Variants in HAUS5 observed in about 807,000 individuals in gnomAD.
HAUS5 encodes the protein HAUS augmin like complex subunit 5, also known as HAUS augmin-like complex subunit 5.
Under a neutral mutation model 94.1 loss-of-function variants are expected in HAUS5, and 67 were observed. That is an observed-to-expected ratio of 0.71 (90% CI 0.58 to 0.87). HAUS5 has a LOEUF of 0.87. Ranked by LOEUF, HAUS5 falls within the 40% of genes least tolerant of loss-of-function variation. HAUS5 has a pLI of 0.00. For missense variants in HAUS5, 739 were observed against 825.6 expected (o/e 0.90, Z 1.29); for synonymous variants, 339 against 355.4 (o/e 0.95, Z 0.52).
Position 35,624,102 on chromosome 19 carries a change from G to GTTTTTTTTTTTTTTTTTTTTTTT in HAUS5, c.*1129_*1130insTTTTTTTTTTTTTTTTTTTTTTT, listed in dbSNP as rs55750807. 2 of 103,980 alleles carry GTTTTTTTTTTTTTTTTTTTTTTT rather than the reference G, an allele frequency of 1.9e-5. No homozygotes were observed. Among genetic ancestry groups the GTTTTTTTTTTTTTTTTTTTTTTT allele is most frequent in the Admixed American group, 1.3e-4 (1 of 7,758 alleles). The allele number at this position is 103,980 out of a possible 1,614,324, so 6.4% of individuals were successfully genotyped here. On this transcript the variant is annotated 3_prime_UTR_variant, in exon 19 of 19. Coordinates refer to ENST00000203166, the MANE Select transcript of HAUS5 (RefSeq NM_015302.2). ...GTCATATCTGTTCTTGTTTTCTTTT[G>GTTTTTTTTTTTTTTTTTTTTTTT]TTTTTTTTTTTTTTTTTTTTGAGAT...
chr19:35,619,403 C>T (rs1448115258), intron 13 of HAUS5, 21 bp from the exon 14 acceptor site: 1 of 1,560,016 alleles, frequency 6.4e-7, no homozygotes, highest in African/African-American at 1.4e-5. Context: ...GAGTGGGTCT[C>T]AGGGTATCCT....
At position 35,620,338 on chromosome 19, in the gene HAUS5, C is replaced by A; in HGVS notation, c.1651+11C>A. On this transcript the variant is annotated intron_variant, in intron 17 of 18. Transcript: ENST00000203166. ...GCCTTCCCACCCAGGGTAGGTCTGC[C>A]CTGCCACCCCATCCAGCCTCCCCGC... The A allele has an allele frequency of 4.3e-6, 7 of 1,610,056 alleles. No homozygotes were observed. Among genetic ancestry groups the A allele is most frequent in the Non-Finnish European group, 5.9e-6 (7 of 1,178,066 alleles).
At chr19:35,622,521 T>C in intron 17 of HAUS5, 80 bp from the exon 18 acceptor site, 4 of 1,453,928 alleles carry the variant, frequency 2.8e-6, no homozygotes, top group Non-Finnish European at 3.8e-6. Context: ...ACTAGGGGAC[T>C]GGAGAATTGG....
intron 10 of HAUS5, 61 bp from the exon 11 acceptor site, chr19:35,618,341 C>T: frequency 9.3e-6 from 15 of 1,608,182 alleles, no homozygotes; most frequent in Non-Finnish European, 1.2e-5. Flanking sequence ...ATACTGTCCA[C>T]CCTCGAGTAC....
Position 35,618,063 on chromosome 19 carries a change from C to T in HAUS5, c.697-8C>T, listed in dbSNP as rs978182055. 3 of 1,584,920 alleles carry T rather than the reference C, an allele frequency of 1.9e-6. No individual in the cohort carries two copies. The highest frequency in any genetic ancestry group is 2.2e-5 in the East Asian group (1 of 44,518). On this transcript the variant is annotated splice_polypyrimidine_tract_variant and splice_region_variant and intron_variant, in intron 9 of 18. Transcript: ENST00000203166. The stretch of plus-strand genomic sequence containing the variant: ...ATCCTGCCCTGACTTCACCCTCCCT[C>T]CCCCTAGACGCTGCTGACAAACCAC...
In HAUS5 at chr19:35,620,355, C is replaced by A. The variant is rs760994635; in HGVS notation, c.1651+28C>A. On this transcript the variant is annotated intron_variant, in intron 17 of 18. Coordinates refer to ENST00000203166, the MANE Select transcript of HAUS5 (RefSeq NM_015302.2). The stretch of plus-strand genomic sequence containing the variant: ...AGGTCTGCCCTGCCACCCCATCCAG[C>A]CTCCCCGCCCATTCCCACTACCAGC... 2.5e-6 allele frequency: 4 copies of A among 1,598,362 alleles called. No individual in the cohort carries two copies. The African/African-American group carries it at 5.4e-5, about 21-fold the overall frequency.
chr19:35,617,446 A>G, intron 8 of HAUS5, 77 bp downstream of exon 8: 1 of 934,242 alleles, frequency 1.1e-6, no homozygotes, highest in Non-Finnish European at 1.7e-6. Flanking sequence ...TTAATTCCTC[A>G]GACACTGAGC....
chr19:35,623,343 A>G lies in HAUS5; in HGVS notation c.*350A>G, dbSNP rs1347845127. On this transcript the variant is annotated 3_prime_UTR_variant, in exon 19 of 19. Transcript: ENST00000203166. The stretch of plus-strand genomic sequence containing the variant: ...AGACAGAGTTTACAAGATAAGGAAA[A>G]TATATATGTAGTATGCTGCAAGTTA... 1 of 231,212 alleles carries G rather than the reference A, an allele frequency of 4.3e-6. No homozygotes were observed. Among genetic ancestry groups the G allele is most frequent in the Admixed American group, 5.1e-5 (1 of 19,504 alleles). 14.3% of individuals were successfully genotyped at this position (231,212 alleles called of 1,614,324 possible).
At position 35,618,410 on chromosome 19, in the gene HAUS5, C is replaced by T. The variant is rs2285412; in HGVS notation, c.830C>T (p.Ala277Val). The change falls in exon 11 of 19, where the codon GCC becomes GTC. Residue 277 changes from alanine (A) to valine (V), a missense_variant. Ala to Val is a moderately conservative substitution (Grantham distance 64, BLOSUM62 0). Coordinates refer to ENST00000203166, the MANE Select transcript of HAUS5 (RefSeq NM_015302.2). Reference sequence around the variant, plus strand: ...CTCTTCCCCCACCCCAGACCCCAGGCCCCGGACCAGTCAGACTCCAGCCAG... The same window carrying T: ...CTCTTCCCCCACCCCAGACCCCAGGTCCCGGACCAGTCAGACTCCAGCCAG... ...LGDTEISRPQ[A>V]PDQSDSSQTL... The T allele has an allele frequency of 6.2e-7, 1 of 1,610,398 alleles. No homozygotes were observed.
chr19:35,615,668 A>T (rs1444654942), intron 6 of HAUS5, among the ~76,000 whole-genome samples: 1 of 152,234 alleles, frequency 6.6e-6, no homozygotes. Context: ...GAAGACAGAT[A>T]GTAAAGTAGG....
In HAUS5 at chr19:35,619,778, AC is replaced by A; in HGVS notation, c.1406+24del. The A allele has an allele frequency of 6.6e-7, 1 of 1,523,308 alleles. No homozygotes were observed. Among genetic ancestry groups the A allele is most frequent in the Non-Finnish European group, 8.8e-7 (1 of 1,133,800 alleles). 94.4% of individuals were successfully genotyped at this position (1,523,308 alleles called of 1,614,324 possible). A position where few individuals can be genotyped will look rare whatever the true frequency, so the allele number is the denominator to read the frequency against. ...GGGAGAGTGAGACTGGGGCTGCCCC[AC>A]CCCTGCCCTGCATCCCCTGCCATGG... On this transcript the variant is annotated intron_variant, in intron 15 of 18. Coordinates refer to ENST00000203166, the MANE Select transcript of HAUS5 (RefSeq NM_015302.2).
intron 18 of HAUS5, 52 bp downstream of exon 18, chr19:35,622,785 T>A: frequency 6.2e-7 from 1 of 1,612,526 alleles, no homozygotes; most frequent in Non-Finnish European, 8.5e-7. Flanking sequence ...GGACTCAAGC[T>A]GGGGGCCTGA....
At position 35,619,980 on chromosome 19, in the gene HAUS5, C is replaced by A. The variant is rs1388496487; in HGVS notation, c.1407-32C>A. ...CAGAACCCAAGGCCTCCTCTCAGTC[C>A]CCACCCAACCCAGACTTCTCCCCGC... On this transcript the variant is annotated intron_variant, in intron 15 of 18. Transcript: ENST00000203166. 3 of 1,603,860 alleles carry A rather than the reference C, an allele frequency of 1.9e-6. No individual in the cohort carries two copies. The African/African-American group carries it at 4.0e-5, about 21-fold the overall frequency.
chr19:35,618,151 G>A lies in HAUS5; in HGVS notation c.777G>A (p.Arg259=), dbSNP rs1967136083. 1.2e-6 allele frequency: 2 copies of A among 1,609,700 alleles called. No individual in the cohort carries two copies. The highest frequency in any genetic ancestry group is 8.5e-7 in the Non-Finnish European group (1 of 1,177,024). The change falls in exon 10 of 19, where the codon CGG becomes CGA. Residue 259 remains arginine, a synonymous_variant. Coordinates refer to ENST00000203166, the MANE Select transcript of HAUS5 (RefSeq NM_015302.2). ...CTGCAGAGCGGGAGGCAGAGATTCG[G>A]TCCCTGTGCAGTGGGGATGGGCTTG... The part of the protein sequence containing the change: ...HLAAEREAEI[R]SLCSGDGLGD...
Position 35,622,962 on chromosome 19 carries a change from C to G in HAUS5, c.1871C>G (p.Ala624Gly). 6.2e-7 allele frequency: 1 copy of G among 1,612,438 alleles called. No individual in the cohort carries two copies. The change falls in exon 19 of 19, where the codon GCC (alanine) becomes GGC (glycine). Residue 624 changes from alanine to glycine, a missense_variant. Coordinates refer to ENST00000203166, the MANE Select transcript of HAUS5 (RefSeq NM_015302.2). ...CAGTGGCGGCTGCGCTGGGTTCAGG[C>G]CCAGGGGGCCCTGCAGAAGCTGTGC... ...LPQWRLRWVQ[A>G]QGALQKLCS
rs200707620 is a variant in HAUS5 at position 35,613,848 on chromosome 19, T to C, written c.162-20T>C. Reference sequence around the variant, plus strand: ...CAGGTGAGGCCCATAGTAACTCCTCTTTCTGCCTCTGCACTGTAGGACTGT... The same window carrying C: ...CAGGTGAGGCCCATAGTAACTCCTCCTTCTGCCTCTGCACTGTAGGACTGT... On this transcript the variant is annotated intron_variant, in intron 2 of 18. Coordinates refer to ENST00000203166, the MANE Select transcript of HAUS5 (RefSeq NM_015302.2). The C allele has an allele frequency of 2.9e-3, 4,746 of 1,614,078 alleles. 13 individuals carry two copies. The highest frequency in any genetic ancestry group is 3.7e-3 in the Non-Finnish European group (4,384 of 1,179,992).
chr19:35,619,103 T>C (rs1967160152), intron 13 of HAUS5, 54 bp downstream of exon 13: 3 of 1,490,554 alleles, frequency 2.0e-6, no homozygotes, highest in Non-Finnish European at 2.7e-6. Context: ...GCTTGAAAAC[T>C]ATGGCTAAGA....
chr19:35,617,422 G>A (rs2071954211), intron 8 of HAUS5, 53 bp downstream of exon 8: 12 of 1,201,090 alleles, frequency 1.0e-5, no homozygotes, highest in Admixed American at 5.7e-5. Flanking sequence ...TTTTAAGTGG[G>A]GGTCTCTTAT....
Position 35,619,297 on chromosome 19 carries a change from A to AT in HAUS5, c.1180-125dup, listed in dbSNP as rs1261217779. On this transcript the variant is annotated intron_variant, in intron 13 of 18. Coordinates refer to ENST00000203166, the MANE Select transcript of HAUS5 (RefSeq NM_015302.2). ...AAAAAAAGAATGCTGTCACTTAAAA[A>AT]TTAAGAACTGGGCCTCCTAGGCAAG... 3 of 797,802 alleles carry AT rather than the reference A, an allele frequency of 3.8e-6. No individual in the cohort carries two copies. The Admixed American group carries it at 8.2e-5, about 22-fold the overall frequency. The allele number at this position is 797,802 out of a possible 1,614,324, so 49.4% of individuals were successfully genotyped here.
Sources: allele counts gnomAD v4.1 joint callset (sites outside exome capture counted in the v4.1 genomes callset), GRCh38; gene constraint gnomAD v4.1.1; transcripts MANE v1.5; gene names NCBI Gene and HGNC (gene_info 2026-07-23, HGNC 2026-07-21).